DOCK3: variants seen among roughly 807,000 people sequenced by gnomAD.
DOCK3 encodes the protein dedicator of cytokinesis protein 3.
DOCK3 carries 60 observed loss-of-function variants against 265.6 expected under a neutral mutation model. That is an observed-to-expected ratio of 0.23 (90% CI 0.18 to 0.28). DOCK3 has a LOEUF of 0.28. Ranked by LOEUF, DOCK3 falls within the 10% of genes least tolerant of loss-of-function variation. The probability of loss-of-function intolerance (pLI) is 1.00; values close to 1 mark genes in which losing one functional copy is unlikely to be tolerated. For missense variants in DOCK3, 1,981 were observed against 2,594.3 expected (o/e 0.76, Z 5.14); for synonymous variants, 881 against 938.0 (o/e 0.94, Z 1.11).
intron 5 of DOCK3, among the ~76,000 whole-genome samples, chr3:51,052,088 G>C (rs1395568473): frequency 6.6e-6 from 1 of 152,148 alleles, no homozygotes; most frequent in Admixed American, 6.5e-5. Flanking sequence ...CTATGTTAAA[G>C]AATTATGAAA....
intron 25 of DOCK3, 120 bp from the exon 26 acceptor site, chr3:51,277,488 G>A: frequency 7.6e-7 from 1 of 1,315,658 alleles, no homozygotes; most frequent in South Asian, 1.7e-5. Flanking sequence ...TGGTGAGACT[G>A]AGAGCTTGGT....
chr3:51,034,007 C>G (rs2080157523), intron 5 of DOCK3, among the ~76,000 whole-genome samples: 2 of 152,098 alleles, frequency 1.3e-5, no homozygotes, highest in Non-Finnish European at 2.9e-5. Context: ...GATTGCAGCT[C>G]TTTTCAAGTT....
intron 5 of DOCK3, among the ~76,000 whole-genome samples, chr3:50,991,940 A>C (rs2078120307): frequency 1.3e-5 from 2 of 152,314 alleles, no homozygotes; most frequent in Non-Finnish European, 2.9e-5. Context: ...TATAAAAATC[A>C]CTCAAAACCA....
At chr3:51,312,812 C>A in intron 30 of DOCK3, 32 bp from the exon 31 acceptor site, 1 of 1,597,062 alleles carries the variant, frequency 6.3e-7, no homozygotes, top group Non-Finnish European at 8.5e-7. Flanking sequence ...CCTTCTCCCA[C>A]TAACGGTTGG....
At chr3:50,987,584 C>T (rs1296095310) in intron 5 of DOCK3, among the ~76,000 whole-genome samples, 1 of 152,090 alleles carries the variant, frequency 6.6e-6, no homozygotes. Context: ...AACTAGTGTA[C>T]GTGGCTCTCA....
chr3:51,120,215 T>C (rs1409175282), intron 9 of DOCK3, among the ~76,000 whole-genome samples: 4 of 152,210 alleles, frequency 2.6e-5, no homozygotes, highest in Non-Finnish European at 5.9e-5. Context: ...CTTCTAACAA[T>C]CATGGCCCTC....
intron 3 of DOCK3, among the ~76,000 whole-genome samples, chr3:50,849,314 T>C (rs2046244105): frequency 1.3e-5 from 2 of 151,828 alleles, no homozygotes; most frequent in Admixed American, 1.3e-4. Context: ...GGATTACAGG[T>C]GGGCGCCACC....
intron 24 of DOCK3, 37 bp from the exon 25 acceptor site, chr3:51,275,042 T>C (rs982296039): frequency 5.0e-6 from 8 of 1,613,714 alleles, no homozygotes; most frequent in Non-Finnish European, 6.8e-6. Flanking sequence ...CTAGTTCTCC[T>C]CTAAAGTTTT....
At chr3:51,063,007 C>T (rs954921229) in intron 5 of DOCK3, among the ~76,000 whole-genome samples, 8 of 152,058 alleles carry the variant, frequency 5.3e-5, no homozygotes, top group Middle Eastern at 3.2e-3. Context: ...ATCAGTTCAT[C>T]GATTAAAGAA....
At chr3:50,977,346 C>G (rs1200604915) in intron 5 of DOCK3, among the ~76,000 whole-genome samples, 1 of 151,990 alleles carries the variant, frequency 6.6e-6, no homozygotes, top group Non-Finnish European at 1.5e-5. Context: ...CTGGTGGTGA[C>G]AAAATCTCTC....
intron 4 of DOCK3, among the ~76,000 whole-genome samples, chr3:50,926,902 G>A (rs769051342): frequency 6.6e-6 from 1 of 152,148 alleles, no homozygotes; most frequent in Non-Finnish European, 1.5e-5. Flanking sequence ...GCAGTTTATA[G>A]TGCAACATAA....
chr3:51,215,764 T>C (rs1285032085), intron 14 of DOCK3, among the ~76,000 whole-genome samples: 1 of 152,190 alleles, frequency 6.6e-6, no homozygotes, highest in Non-Finnish European at 1.5e-5. Flanking sequence ...CGTCTTCTAC[T>C]CATACACACA....
intron 9 of DOCK3, among the ~76,000 whole-genome samples, chr3:51,142,873 C>A (rs1008635234): frequency 1.3e-5 from 2 of 152,082 alleles, no homozygotes; most frequent in Non-Finnish European, 2.9e-5. Flanking sequence ...TTCTTACCAA[C>A]CTTTGGTATA....
intron 3 of DOCK3, among the ~76,000 whole-genome samples, chr3:50,876,406 AG>A (rs2047703183): frequency 6.6e-6 from 1 of 152,250 alleles, no homozygotes; most frequent in Non-Finnish European, 1.5e-5. Context: ...AAATATTTTA[AG>A]GTTTAAAATA....
intron 4 of DOCK3, among the ~76,000 whole-genome samples, chr3:50,931,435 A>G (rs978783747): frequency 3.3e-5 from 5 of 152,166 alleles, no homozygotes; most frequent in East Asian, 1.9e-4. Context: ...GATTGTTTCT[A>G]TACATCTCCT....
At chr3:51,051,989 A>T (rs181216748) in intron 5 of DOCK3, among the ~76,000 whole-genome samples, 20 of 152,230 alleles carry the variant, frequency 1.3e-4, no homozygotes, top group Admixed American at 1.3e-3. Context: ...ACCTCACACT[A>T]GTCCTCACCT....
At chr3:51,202,713 C>A (rs1195245693) in intron 12 of DOCK3, among the ~76,000 whole-genome samples, 3 of 151,746 alleles carry the variant, frequency 2.0e-5, no homozygotes, top group African/African-American at 7.3e-5. Context: ...GAGACACAAC[C>A]AAAAAAGAGA....
At chr3:51,241,697 C>T (rs984157226) in intron 21 of DOCK3, among the ~76,000 whole-genome samples, 4 of 152,120 alleles carry the variant, frequency 2.6e-5, no homozygotes, top group Non-Finnish European at 2.9e-5. Flanking sequence ...GATTCTTTCC[C>T]GAACTTGGTC....
intron 5 of DOCK3, among the ~76,000 whole-genome samples, chr3:50,967,331 G>A (rs1254774480): frequency 1.3e-5 from 2 of 152,132 alleles, no homozygotes; most frequent in Non-Finnish European, 2.9e-5. Flanking sequence ...CAACCATGTT[G>A]CACATGGCAG....
Sources: allele counts gnomAD v4.1 joint callset (sites outside exome capture counted in the v4.1 genomes callset), GRCh38; gene constraint gnomAD v4.1.1; transcripts MANE v1.5; gene names NCBI Gene and HGNC (gene_info 2026-07-23, HGNC 2026-07-21).